Variants in SHROOM3 observed in about 807,000 individuals in gnomAD.
The protein encoded by SHROOM3 is shroom family member 3.
SHROOM3 carries 47 observed loss-of-function variants against 138.6 expected under a neutral mutation model. The ratio of observed to expected loss-of-function variants is 0.34; its 90% CI spans 0.27 to 0.43. The LOEUF (loss-of-function observed/expected upper bound fraction) is 0.43. Ranked by LOEUF, SHROOM3 falls within the 20% of genes least tolerant of loss-of-function variation. The probability of loss-of-function intolerance (pLI) is 1.00; values close to 1 mark genes in which losing one functional copy is unlikely to be tolerated. For synonymous variants in SHROOM3, 1,062 were observed against 1,063.3 expected, an observed-to-expected ratio of 1.00 and a Z score of 0.02; for missense variants, 2,491 against 2,596.5, an observed-to-expected ratio of 0.96 and a Z score of 0.88.
intron 1 of SHROOM3, among the ~76,000 whole-genome samples, chr4:76,499,374 T>C (rs1046463424): frequency 6.6e-6 from 1 of 152,198 alleles, no homozygotes; most frequent in Admixed American, 6.5e-5. Flanking sequence ...AGTTAATAAA[T>C]AGTAGTTATG....
At chr4:76,614,847 C>A (rs1251540743) in intron 2 of SHROOM3, among the ~76,000 whole-genome samples, 5 of 152,220 alleles carry the variant, frequency 3.3e-5, no homozygotes, top group Non-Finnish European at 1.5e-5. Context: ...TTTGCAGATG[C>A]TGGCCTGGGG....
At chr4:76,759,460 C>T (rs1448060841) in intron 8 of SHROOM3, 85 bp from the exon 9 acceptor site, 27 of 1,521,708 alleles carry the variant, frequency 1.8e-5, no homozygotes, top group Middle Eastern at 2.2e-4. Context: ...AATTGTTACG[C>T]ACTTCTGAAT....
chr4:76,759,716 C>T, intron 9 of SHROOM3, 21 bp downstream of exon 9: 2 of 1,609,374 alleles, frequency 1.2e-6, no homozygotes, highest in Non-Finnish European at 1.7e-6. Flanking sequence ...AATGGGATGC[C>T]CTTGTTCAGC....
At position 76,739,725 on chromosome 4, in the gene SHROOM3, G is replaced by A. The variant is rs1560607920; in HGVS notation, c.1552G>A (p.Gly518Arg). ...CAAGATGGCTACCATTGATGAGAATGGGAACCAGAATGGATCTGGCAGGCC... is the reference window on the plus strand; with the variant it reads ...CAAGATGGCTACCATTGATGAGAATAGGAACCAGAATGGATCTGGCAGGCC... ...CNKMATIDENGNQNGSGRPGF... is the reference protein window; with the variant it reads ...CNKMATIDENRNQNGSGRPGF... The change falls in exon 5 of 11, where the codon GGG (glycine) becomes AGG (arginine). Residue 518 changes from glycine (G) to arginine (R), a missense_variant. Physicochemically the swap from Gly to Arg is moderately radical, Grantham distance 125 (BLOSUM62 -2). Around this residue, in one of 4 missense-constraint regions of SHROOM3, gnomAD observed 1,733 missense variants for 1,661.6 expected, o/e 1.04. Transcript: ENST00000296043. 2 of 1,614,190 alleles carry A rather than the reference G, an allele frequency of 1.2e-6. No individual in the cohort carries two copies. The highest frequency in any genetic ancestry group is 1.7e-6 in the Non-Finnish European group (2 of 1,180,046).
chr4:76,496,326 C>T (rs1035286415), intron 1 of SHROOM3, among the ~76,000 whole-genome samples: 1 of 152,182 alleles, frequency 6.6e-6, no homozygotes, highest in African/African-American at 2.4e-5. Flanking sequence ...GCAGCTGTTA[C>T]CTGCCCCAAG....
chr4:76,740,963 C>A lies in SHROOM3; in HGVS notation c.2790C>A (p.Asp930Glu). 2 of 1,496,894 alleles carry A rather than the reference C, an allele frequency of 1.3e-6. No homozygotes were observed. Among genetic ancestry groups the A allele is most frequent in the Non-Finnish European group, 1.8e-6 (2 of 1,126,904 alleles). The allele number at this position is 1,496,894 out of a possible 1,614,324, so 92.7% of individuals were successfully genotyped here. A position where few individuals can be genotyped will look rare whatever the true frequency, so the allele number is the denominator to read the frequency against. The change falls in exon 5 of 11, where the codon GAC becomes GAA. Residue 930 changes from aspartate to glutamate, a missense_variant. Asp to Glu is a conservative substitution (Grantham distance 45, BLOSUM62 2). Coordinates refer to ENST00000296043, the MANE Select transcript of SHROOM3 (RefSeq NM_020859.4). The surrounding 1 kb of genome is among the most constrained non-coding windows in gnomAD (Gnocchi z 4.0). ...GCGCCTACCGGAACAGCATCAAGGACGCACAGTCCCGTGTCTTGGGGGCCA... is the reference window on the plus strand; with the variant it reads ...GCGCCTACCGGAACAGCATCAAGGAAGCACAGTCCCGTGTCTTGGGGGCCA... ...FSRAYRNSIK[D>E]AQSRVLGATS...
At chr4:76,750,737 C>T (rs538574234) in intron 6 of SHROOM3, among the ~76,000 whole-genome samples, 8 of 150,964 alleles carry the variant, frequency 5.3e-5, no homozygotes, top group South Asian at 2.1e-4. Flanking sequence ...GTGGCAATAT[C>T]GACAATCTGA....
chr4:76,471,396 A>G (rs1731369070), intron 1 of SHROOM3, among the ~76,000 whole-genome samples: 1 of 152,006 alleles, frequency 6.6e-6, no homozygotes, highest in Non-Finnish European at 1.5e-5. Context: ...GGTGCACACC[A>G]CCACGCCTGG....
At chr4:76,715,958 G>A (rs1720360667) in intron 3 of SHROOM3, 1 of 185,518 alleles carries the variant, frequency 5.4e-6, no homozygotes, top group Non-Finnish European at 1.1e-5. Flanking sequence ...CATGTGTTTA[G>A]CAGAGAAGAT....
intron 4 of SHROOM3, among the ~76,000 whole-genome samples, chr4:76,735,216 AC>A (rs1187163251): frequency 2.6e-5 from 4 of 151,948 alleles, no homozygotes; most frequent in African/African-American, 9.7e-5. Context: ...AGGATTGAAA[AC>A]CTTCATTCCA....
At chr4:76,660,750 A>AT (rs1192435502) in intron 2 of SHROOM3, among the ~76,000 whole-genome samples, 6 of 152,132 alleles carry the variant, frequency 3.9e-5, no homozygotes, top group Non-Finnish European at 8.8e-5. Context: ...TGCTGGGATT[A>AT]TAGACATGAG....
At chr4:76,607,595 G>A (rs1202366285) in intron 2 of SHROOM3, among the ~76,000 whole-genome samples, 3 of 152,102 alleles carry the variant, frequency 2.0e-5, no homozygotes, top group African/African-American at 4.8e-5. Context: ...AAACCACCAG[G>A]TTTCAGTTTG....
rs1041904444 is a variant in SHROOM3, at chr4:76,721,174, A to G, written c.456-9630A>G. 1.3e-4 allele frequency among the ~76,000 whole-genome samples: 20 copies of G among 150,658 alleles called. No homozygotes were observed. The South Asian group carries it at 3.4e-3, about 25-fold the overall frequency. ...AAAATACAAAAAATTAGCCGGGCGT[A>G]GTGGCGGGCGCCTGTAGTCCCAGCT... is the stretch of plus-strand genomic sequence containing the variant. On this transcript the variant is annotated intron_variant, in intron 3 of 10. Coordinates refer to ENST00000296043, the MANE Select transcript of SHROOM3 (RefSeq NM_020859.4).
chr4:76,472,110 A>C (rs1257047106), intron 1 of SHROOM3, among the ~76,000 whole-genome samples: 1 of 152,194 alleles, frequency 6.6e-6, no homozygotes, highest in Non-Finnish European at 1.5e-5. Flanking sequence ...GCATGCAATA[A>C]ATAAATACTA....
chr4:76,680,269 T>C (rs1481032366), intron 2 of SHROOM3, among the ~76,000 whole-genome samples: 2 of 151,714 alleles, frequency 1.3e-5, no homozygotes, highest in Non-Finnish European at 2.9e-5. Context: ...GCCTACCGAG[T>C]AGCTGGGACT....
intron 2 of SHROOM3, chr4:76,688,626 A>G: frequency 1.0e-6 from 1 of 985,460 alleles, no homozygotes; most frequent in African/African-American, 1.7e-5. Context: ...AGGCTGGAAG[A>G]ACCTTTGAAG....
Position 76,759,714 on chromosome 4 carries a change from G to A in SHROOM3, c.5349+19G>A. On this transcript the variant is annotated intron_variant, in intron 9 of 10. Transcript: ENST00000296043. The stretch of plus-strand genomic sequence containing the variant: ...AAAGAAGGTAAATAAAGAATGGGAT[G>A]CCCTTGTTCAGCTTTCCTCAGAAAA... The A allele has an allele frequency of 1.9e-6, 3 of 1,610,682 alleles. No individual in the cohort carries two copies. In the African/African-American group the frequency reaches 4.0e-5, roughly 22 times the overall value.
chr4:76,550,533 A>C (rs933737647), intron 1 of SHROOM3, among the ~76,000 whole-genome samples: 2 of 152,208 alleles, frequency 1.3e-5, no homozygotes, highest in Non-Finnish European at 2.9e-5. Flanking sequence ...GAAATGTGGG[A>C]TGGGCCTTCT....
intron 2 of SHROOM3, among the ~76,000 whole-genome samples, chr4:76,666,928 T>C (rs1008862149): frequency 6.6e-6 from 1 of 152,198 alleles, no homozygotes; most frequent in African/African-American, 2.4e-5. Flanking sequence ...GAATATGACA[T>C]AGGTGAACTT....
Sources: allele counts gnomAD v4.1 joint callset (sites outside exome capture counted in the v4.1 genomes callset), GRCh38; gene constraint gnomAD v4.1.1; regional missense constraint gnomAD v4.1.1; non-coding constraint Gnocchi (gnomAD v3.1); transcripts MANE v1.5; gene names NCBI Gene and HGNC (gene_info 2026-07-23, HGNC 2026-07-21).